The following SCOC variants were observed in gnomAD, a reference collection of about 807,000 sequenced individuals.
The protein encoded by SCOC is short coiled coil protein.
SCOC carries 7 observed loss-of-function variants against 9.9 expected under a neutral mutation model. The ratio of observed to expected loss-of-function variants is 0.71; its 90% confidence interval spans 0.40 to 1.33. The LOEUF is 1.33. Among genes scored for constraint, SCOC ranks in the 40% most tolerant of loss-of-function variants. SCOC has a pLI of 0.01. For missense variants in SCOC, 66 were observed against 89.7 expected (o/e 0.74, Z 1.07); for synonymous variants, 19 against 28.2 (o/e 0.67, Z 1.03).
chr4:140,378,849 T>C (rs545961292), intron 1 of SCOC, among the ~76,000 whole-genome samples: 44 of 152,290 alleles, frequency 2.9e-4, no homozygotes, highest in Non-Finnish European at 4.9e-4. Context: ...TATTTGTTTT[T>C]CCATAACTCT....
chr4:140,327,191 C>G (rs1453345191), intron 1 of SCOC, among the ~76,000 whole-genome samples: 2 of 152,158 alleles, frequency 1.3e-5, no homozygotes, highest in Non-Finnish European at 2.9e-5. Flanking sequence ...AAGTGTGAAG[C>G]CATCACAGTG....
At chr4:140,298,777 C>T (rs1188750262) in intron 1 of SCOC, among the ~76,000 whole-genome samples, 5 of 152,170 alleles carry the variant, frequency 3.3e-5, no homozygotes, top group Non-Finnish European at 7.3e-5. Flanking sequence ...AAAAGGTGGA[C>T]AAGAACTGAT....
At chr4:140,271,330 T>C (rs537850298) in intron 1 of SCOC, among the ~76,000 whole-genome samples, 2 of 152,292 alleles carry the variant, frequency 1.3e-5, no homozygotes, top group South Asian at 4.1e-4. Context: ...TCAAAGGCAG[T>C]AGTGTGCAAA....
intron 1 of SCOC, among the ~76,000 whole-genome samples, chr4:140,305,232 G>A (rs573871146): frequency 6.6e-6 from 1 of 152,140 alleles, no homozygotes; most frequent in Non-Finnish European, 1.5e-5. Context: ...AGGTCTGAGG[G>A]TTTTCAGACC....
At chr4:140,313,100 C>T (rs1186111460) in intron 1 of SCOC, among the ~76,000 whole-genome samples, 3 of 152,150 alleles carry the variant, frequency 2.0e-5, no homozygotes, top group African/African-American at 4.8e-5. Context: ...GGGAAACTCT[C>T]GCTAAGTCAG....
chr4:140,319,437 A>G (rs1006852307), intron 1 of SCOC, among the ~76,000 whole-genome samples: 2 of 152,094 alleles, frequency 1.3e-5, no homozygotes, highest in African/African-American at 4.8e-5. Context: ...TGTGCTACCA[A>G]ATAATTTCCT....
chr4:140,339,520 G>A (rs952592260), upstream of SCOC, among the ~76,000 whole-genome samples: 1 of 152,092 alleles, frequency 6.6e-6, no homozygotes, highest in Non-Finnish European at 1.5e-5. Context: ...GGCAACCTAC[G>A]GAATGGGAGA....
At chr4:140,335,103 T>G (rs1400540742) in intron 1 of SCOC, among the ~76,000 whole-genome samples, 1 of 152,240 alleles carries the variant, frequency 6.6e-6, no homozygotes, top group Non-Finnish European at 1.5e-5. Flanking sequence ...TTTTTACATC[T>G]TTATTACATC....
intron 1 of SCOC, among the ~76,000 whole-genome samples, chr4:140,275,678 C>CT (rs1410574578): frequency 6.6e-6 from 1 of 152,134 alleles, no homozygotes; most frequent in Non-Finnish European, 1.5e-5. Flanking sequence ...TTCACAGTGC[C>CT]TAGCAGAGTA....
rs1010531666 is a variant in SCOC at position 140,304,450 on chromosome 4, A to T, written c.-18-39171A>T. ...ACAAAACAAACCACAAAAATAAAAG[A>T]CAGCAGAGTCTTGAGAAATTTTAAA... On this transcript the variant is annotated intron_variant, in intron 1 of 4. Transcript: ENST00000394205. 2.0e-5 allele frequency among the ~76,000 whole-genome samples: 3 copies of T among 152,314 alleles called. No homozygotes were observed. The East Asian group carries it at 5.8e-4, about 29-fold the overall frequency.
intron 1 of SCOC, among the ~76,000 whole-genome samples, chr4:140,285,905 C>T (rs757491560): frequency 1.6e-4 from 24 of 152,144 alleles, no homozygotes; most frequent in Non-Finnish European, 3.2e-4. Flanking sequence ...CATTGCTGGG[C>T]TGGGTGCCGT....
At chr4:140,281,885 T>G (rs1271670935) in intron 1 of SCOC, among the ~76,000 whole-genome samples, 1 of 152,122 alleles carries the variant, frequency 6.6e-6, no homozygotes, top group South Asian at 2.1e-4. Context: ...TCCCTGTTTG[T>G]GGGGGAAAAT....
intron 1 of SCOC, among the ~76,000 whole-genome samples, chr4:140,262,621 A>C (rs1578751463): frequency 6.6e-6 from 1 of 152,182 alleles, no homozygotes; most frequent in Non-Finnish European, 1.5e-5. Context: ...AGAAATAGCT[A>C]TGAGAGAACG....
chr4:140,369,769 C>T (rs1560725802), upstream of SCOC, among the ~76,000 whole-genome samples: 1 of 151,168 alleles, frequency 6.6e-6, no homozygotes, highest in African/African-American at 2.4e-5. Flanking sequence ...GTCCAGGTCG[C>T]ATGAATGTTC....
rs183028920 is a variant in SCOC, at chr4:140,380,134, C to G, written c.106+482C>G. On this transcript the variant is annotated intron_variant, in intron 3 of 3. Coordinates refer to ENST00000608372, the MANE Select transcript of SCOC (RefSeq NM_001153484.2). ...TCACTCAGAACCTCCCACTGATTTA[C>G]ATTTTACAGAGTTAATAAAAGTCAT... Among the ~76,000 whole-genome samples the G allele has an allele frequency of 2.1e-3, 311 of 150,544 alleles. 1 individual carries two copies. Among genetic ancestry groups the G allele is most frequent in the Middle Eastern group, 3.4e-3 (1 of 290 alleles).
intron 1 of SCOC, among the ~76,000 whole-genome samples, chr4:140,321,690 A>G (rs1732505198): frequency 6.6e-6 from 1 of 152,212 alleles, no homozygotes; most frequent in African/African-American, 2.4e-5. Flanking sequence ...TCCAAGAGCT[A>G]TGGGACAATA....
intron 1 of SCOC, among the ~76,000 whole-genome samples, chr4:140,262,966 C>T (rs6536827): frequency 0.23 from 35,629 of 152,028 alleles, 6,805 homozygotes; most frequent in African/African-American, 0.51. Flanking sequence ...GCCAGGCCCC[C>T]CCTCCAACCC....
chr4:140,259,230 C>T (rs1471650576), intron 1 of SCOC, among the ~76,000 whole-genome samples: 1 of 152,230 alleles, frequency 6.6e-6, no homozygotes, highest in Non-Finnish European at 1.5e-5. Context: ...TTTGATTCCT[C>T]TCTCTTTTGC....
At chr4:140,367,349 C>A (rs948727448) in intron 2 of SCOC, among the ~76,000 whole-genome samples, 2 of 152,090 alleles carry the variant, frequency 1.3e-5, no homozygotes, top group Non-Finnish European at 2.9e-5. Context: ...TTTAGTGACC[C>A]AGACACATAT....
Sources: allele counts gnomAD v4.1 joint callset (sites outside exome capture counted in the v4.1 genomes callset), GRCh38; gene constraint gnomAD v4.1.1; transcripts MANE v1.5; gene names NCBI Gene and HGNC (gene_info 2026-07-23, HGNC 2026-07-21).